The following PITPNC1 variants were observed in gnomAD, a reference collection of about 807,000 sequenced individuals.
PITPNC1 encodes the protein cytoplasmic phosphatidylinositol transfer protein 1.
In PITPNC1, 18 loss-of-function variants were observed where a neutral mutation model predicts 44.7. The observed-to-expected ratio is 0.40, with a 90% CI of 0.28 to 0.60. PITPNC1 has a LOEUF of 0.60. Among genes scored for constraint, PITPNC1 ranks in the 20% least tolerant of loss-of-function variants. The pLI, the probability that PITPNC1 is intolerant of heterozygous loss-of-function variation, is 0.39. For missense variants in PITPNC1, 290 were observed against 418.4 expected (o/e 0.69, Z 2.68); for synonymous variants, 141 against 149.6 (o/e 0.94, Z 0.42).
chr17:67,553,297 T>C (rs765281361), intron 3 of PITPNC1: 2 of 221,472 alleles, frequency 9.0e-6, no homozygotes, highest in East Asian at 8.9e-5. Context: ...TGAAATACTC[T>C]ACTGGAATTA....
intron 4 of PITPNC1, among the ~76,000 whole-genome samples, chr17:67,564,932 G>T (rs950449145): frequency 6.6e-6 from 1 of 150,810 alleles, no homozygotes; most frequent in Non-Finnish European, 1.5e-5. Flanking sequence ...CATGTTTTTC[G>T]GTGGGTATAC....
At chr17:67,496,255 C>G (rs997651261) in intron 1 of PITPNC1, among the ~76,000 whole-genome samples, 1 of 152,178 alleles carries the variant, frequency 6.6e-6, no homozygotes, top group Admixed American at 6.5e-5. Context: ...CTCCCCTTTC[C>G]CTGTTATCGT....
intron 6 of PITPNC1, among the ~76,000 whole-genome samples, chr17:67,663,660 GA>G (rs1383530113): frequency 6.6e-6 from 1 of 151,978 alleles, no homozygotes; most frequent in Non-Finnish European, 1.5e-5. Context: ...AGTGTGCCCA[GA>G]ATAACAGCAC....
At chr17:67,395,357 C>G (rs990934040) in intron 1 of PITPNC1, among the ~76,000 whole-genome samples, 2 of 151,936 alleles carry the variant, frequency 1.3e-5, no homozygotes, top group African/African-American at 2.4e-5. Context: ...TTACATTGCC[C>G]AGGCTGGTCT....
chr17:67,678,265 G>A (rs2042640338), intron 8 of PITPNC1, among the ~76,000 whole-genome samples: 1 of 151,402 alleles, frequency 6.6e-6, no homozygotes, highest in African/African-American at 2.4e-5. Flanking sequence ...CCCAAGGCTA[G>A]AATAATGTAT....
At chr17:67,668,288 T>C (rs2042454539) in intron 6 of PITPNC1, among the ~76,000 whole-genome samples, 1 of 152,250 alleles carries the variant, frequency 6.6e-6, no homozygotes, top group African/African-American at 2.4e-5. Context: ...GTGAGAGTTG[T>C]ACACGTTTTT....
rs77249997 is a variant in PITPNC1, at chr17:67,500,396, C to A, written c.49-32406C>A. Among the ~76,000 whole-genome samples the A allele has an allele frequency of 2.9e-3, 440 of 152,276 alleles. 1 individual carries two copies. Among genetic ancestry groups the A allele is most frequent in the African/African-American group, 9.9e-3 (411 of 41,542 alleles). ...TCATACCCAAGTGAAAGAAGCCAGA[C>A]ACAACGAGCCACATATTACATGATT... On this transcript the variant is annotated intron_variant, in intron 1 of 8. Coordinates refer to ENST00000581322, the MANE Select transcript of PITPNC1 (RefSeq NM_012417.4).
At chr17:67,379,594 G>C (rs1388807593) in intron 1 of PITPNC1, among the ~76,000 whole-genome samples, 2 of 152,116 alleles carry the variant, frequency 1.3e-5, no homozygotes, top group Non-Finnish European at 2.9e-5. Flanking sequence ...ACAGAGATTC[G>C]AGTTGCATAT....
chr17:67,570,198 A>G (rs2041033779), intron 4 of PITPNC1, among the ~76,000 whole-genome samples: 1 of 152,196 alleles, frequency 6.6e-6, no homozygotes, highest in Admixed American at 6.5e-5. Context: ...AAAAGAGTTC[A>G]CGGAGATCCT....
chr17:67,403,748 G>A (rs571211739), intron 1 of PITPNC1, among the ~76,000 whole-genome samples: 124 of 152,298 alleles, frequency 8.1e-4, no homozygotes, highest in African/African-American at 2.9e-3. Flanking sequence ...TTGGACTGGC[G>A]TTATGTCTCA....
rs142259804 is a variant in PITPNC1 at position 67,610,836 on chromosome 17, G to A, written c.367-21307G>A. On this transcript the variant is annotated intron_variant, in intron 5 of 8. Coordinates refer to ENST00000581322, the MANE Select transcript of PITPNC1 (RefSeq NM_012417.4). Reference sequence around the variant, plus strand: ...CTCGGGAGGCTGAGGCAGGAGAATCGTTTGAACCCGAGGGGCGGAGGTTGC... The same window carrying A: ...CTCGGGAGGCTGAGGCAGGAGAATCATTTGAACCCGAGGGGCGGAGGTTGC... 5.6e-3 allele frequency among the ~76,000 whole-genome samples: 838 copies of A among 150,670 alleles called. 4 individuals are homozygous for A. Among genetic ancestry groups the A allele is most frequent in the Middle Eastern group, 0.017 (5 of 294 alleles).
At chr17:67,528,747 A>C (rs1007074145) in intron 1 of PITPNC1, among the ~76,000 whole-genome samples, 1 of 152,218 alleles carries the variant, frequency 6.6e-6, no homozygotes, top group Non-Finnish European at 1.5e-5. Context: ...TTCTCCCCAG[A>C]GTCTGAATGG....
At chr17:67,435,911 A>T (rs747441852) in intron 1 of PITPNC1, among the ~76,000 whole-genome samples, 1 of 152,200 alleles carries the variant, frequency 6.6e-6, no homozygotes, top group East Asian at 1.9e-4. Flanking sequence ...GTATAAAAAA[A>T]TAAGTTGGGG....
rs533539062 is a variant in PITPNC1 at position 67,503,431 on chromosome 17, A to G, written c.49-29371A>G. Among the ~76,000 whole-genome samples, 227 of 152,292 alleles carry G rather than the reference A, an allele frequency of 1.5e-3. 1 individual carries two copies. The highest frequency in any genetic ancestry group is 6.8e-3 in the Middle Eastern group (2 of 294). On this transcript the variant is annotated intron_variant, in intron 1 of 8. Transcript: ENST00000581322. ...CAATAGAATCCAGTGGCCTGGTTCC[A>G]TCTTGACGGGGAGGGAGGGGGCATT...
At chr17:67,627,104 T>C (rs1298388153) in intron 5 of PITPNC1, among the ~76,000 whole-genome samples, 1 of 152,024 alleles carries the variant, frequency 6.6e-6, no homozygotes, top group African/African-American at 2.4e-5. Flanking sequence ...AATACAAAAA[T>C]TAGCCGGGCG....
At chr17:67,631,628 CAAAAACCAAAAA>C (rs1398139285) in intron 5 of PITPNC1, among the ~76,000 whole-genome samples, 5 of 13,346 alleles carry the variant, frequency 3.7e-4, no homozygotes, top group African/African-American at 8.0e-4. Context: ...GACTCCGTCT[CAAAAACCAAAAA>C]AAAAAAAAAA....
chr17:67,615,059 C>T (rs2041740390), intron 5 of PITPNC1, among the ~76,000 whole-genome samples: 2 of 152,158 alleles, frequency 1.3e-5, no homozygotes, highest in African/African-American at 4.8e-5. Flanking sequence ...ATGCTAGCCC[C>T]AGCCTGTCTT....
chr17:67,496,196 A>G (rs2039950219), intron 1 of PITPNC1, among the ~76,000 whole-genome samples: 1 of 152,212 alleles, frequency 6.6e-6, no homozygotes, highest in Non-Finnish European at 1.5e-5. Context: ...AAAAAAGAAC[A>G]AGTTTTTAAA....
At chr17:67,446,172 C>G (rs1027398647) in intron 1 of PITPNC1, among the ~76,000 whole-genome samples, 9 of 151,844 alleles carry the variant, frequency 5.9e-5, no homozygotes, top group African/African-American at 2.2e-4. Flanking sequence ...GTCTCGATCT[C>G]TTGACTTCAT....
Sources: allele counts gnomAD v4.1 joint callset (sites outside exome capture counted in the v4.1 genomes callset), GRCh38; gene constraint gnomAD v4.1.1; transcripts MANE v1.5; gene names NCBI Gene and HGNC (gene_info 2026-07-23, HGNC 2026-07-21).